VKORC1L1: variants seen among roughly 807,000 people sequenced by gnomAD.
VKORC1L1 encodes vitamin K epoxide reductase complex subunit 1-like protein 1.
A neutral mutation model predicts 18.9 loss-of-function variants in VKORC1L1; 2 were observed. That is an observed-to-expected ratio of 0.11 (90% CI 0.04 to 0.33). The LOEUF (loss-of-function observed/expected upper bound fraction) is 0.33. Ranked by LOEUF, VKORC1L1 falls within the 10% of genes least tolerant of loss-of-function variation. The pLI is 1.00. For synonymous variants in VKORC1L1, 96 were observed against 100.0 expected, an observed-to-expected ratio of 0.96 and a Z score of 0.24; for missense variants, 123 against 224.1, an observed-to-expected ratio of 0.55 and a Z score of 2.88.
At chr7:65,897,661 A>G (rs1366453779) in intron 1 of VKORC1L1, among the ~76,000 whole-genome samples, 1 of 151,536 alleles carries the variant, frequency 6.6e-6, no homozygotes, top group East Asian at 1.9e-4. Flanking sequence ...AGCTCACTGG[A>G]TGGAGACATG....
intron 1 of VKORC1L1, among the ~76,000 whole-genome samples, chr7:65,912,429 A>C (rs1483287771): frequency 4.6e-5 from 7 of 152,204 alleles, no homozygotes; most frequent in African/African-American, 1.7e-4. Flanking sequence ...CAGTGCGTGT[A>C]ACATCCCGTG....
intron 1 of VKORC1L1, among the ~76,000 whole-genome samples, chr7:65,920,347 A>G (rs925677210): frequency 6.6e-6 from 1 of 152,092 alleles, no homozygotes; most frequent in Non-Finnish European, 1.5e-5. Flanking sequence ...ATGCCCGACA[A>G]ATGCTGGGCA....
intron 1 of VKORC1L1, among the ~76,000 whole-genome samples, chr7:65,895,516 T>TATATATACACACACAC (rs370356956): frequency 4.2e-5 from 3 of 71,580 alleles, no homozygotes; most frequent in Non-Finnish European, 8.0e-5. Flanking sequence ...TATATATATA[T>TATATATACACACACAC]ACACACACAC....
rs575861805 is a variant in VKORC1L1 at position 65,893,769 on chromosome 7, A to G, written c.194+20204A>G. Reference sequence around the variant, plus strand: ...GTCTCAGTAGTTTGCAGGAATGTCAAACCAAAAAGTTTGAGAATCACTCGT... The same window carrying G: ...GTCTCAGTAGTTTGCAGGAATGTCAGACCAAAAAGTTTGAGAATCACTCGT... On this transcript the variant is annotated intron_variant, in intron 1 of 2. Coordinates refer to ENST00000360768, the MANE Select transcript of VKORC1L1 (RefSeq NM_173517.6). Among the ~76,000 whole-genome samples the G allele has an allele frequency of 2.6e-5, 4 of 152,328 alleles. No individual in the cohort carries two copies. The South Asian group carries it at 6.2e-4, about 24-fold the overall frequency.
At chr7:65,950,209 G>C (rs1036048063) in intron 2 of VKORC1L1, among the ~76,000 whole-genome samples, 3 of 151,712 alleles carry the variant, frequency 2.0e-5, no homozygotes, top group Non-Finnish European at 4.4e-5. Context: ...TTAGCATTTA[G>C]TTATTGGATC....
intron 1 of VKORC1L1, among the ~76,000 whole-genome samples, chr7:65,933,161 T>A (rs1789886667): frequency 6.6e-6 from 1 of 152,010 alleles, no homozygotes; most frequent in South Asian, 2.1e-4. Flanking sequence ...GCTTGATGGT[T>A]CTCTTCAGAC....
chr7:65,945,352 C>CT (rs748546021), intron 1 of VKORC1L1, among the ~76,000 whole-genome samples: 4 of 152,082 alleles, frequency 2.6e-5, no homozygotes, highest in Non-Finnish European at 4.4e-5. Flanking sequence ...TGGCTCACGC[C>CT]TGTAATCCCA....
chr7:65,890,068 C>A (rs1789085454), intron 1 of VKORC1L1, among the ~76,000 whole-genome samples: 1 of 152,028 alleles, frequency 6.6e-6, no homozygotes, highest in South Asian at 2.1e-4. Flanking sequence ...AGCAATTCTC[C>A]TGCCTCAGCC....
intron 1 of VKORC1L1, among the ~76,000 whole-genome samples, chr7:65,926,999 T>C (rs780152656): frequency 3.9e-5 from 6 of 151,940 alleles, no homozygotes; most frequent in Non-Finnish European, 5.9e-5. Flanking sequence ...AATACACATA[T>C]AGTGTGGCCA....
intron 1 of VKORC1L1, among the ~76,000 whole-genome samples, chr7:65,916,338 T>C (rs1449710639): frequency 2.6e-5 from 4 of 152,120 alleles, no homozygotes; most frequent in Non-Finnish European, 5.9e-5. Flanking sequence ...CTTCAATCCA[T>C]TGTGGTTATT....
At chr7:65,903,452 A>G (rs1225600547) in intron 1 of VKORC1L1, among the ~76,000 whole-genome samples, 1 of 152,102 alleles carries the variant, frequency 6.6e-6, no homozygotes, top group Non-Finnish European at 1.5e-5. Context: ...GGTATGAGCC[A>G]CTGTGCCCAG....
chr7:65,867,928 C>A, the VKORC1L1 span, among the ~76,000 whole-genome samples: 5 of 152,222 alleles, frequency 3.3e-5, no homozygotes, highest in Non-Finnish European at 5.9e-5. Context: ...CTCACTGCAA[C>A]TTCCACCTCC....
intron 1 of VKORC1L1, among the ~76,000 whole-genome samples, chr7:65,879,087 G>A (rs558505618): frequency 2.0e-4 from 31 of 152,062 alleles, no homozygotes; most frequent in African/African-American, 7.2e-4. Context: ...AAACATCCAC[G>A]TGACCATATG....
chr7:65,907,957 T>G (rs1042080160), intron 1 of VKORC1L1, among the ~76,000 whole-genome samples: 10 of 152,178 alleles, frequency 6.6e-5, no homozygotes, highest in African/African-American at 2.4e-4. Context: ...AAATGTGCTC[T>G]GGTCCCAGCT....
chr7:65,874,065 A>G (rs1788782621), intron 1 of VKORC1L1, among the ~76,000 whole-genome samples: 1 of 152,050 alleles, frequency 6.6e-6, no homozygotes, highest in Non-Finnish European at 1.5e-5. Flanking sequence ...TGCCTTTCCC[A>G]CTGTCTTCCT....
chr7:65,946,581 C>G (rs2115728049), intron 1 of VKORC1L1, among the ~76,000 whole-genome samples: 1 of 152,286 alleles, frequency 6.6e-6, no homozygotes, highest in Non-Finnish European at 1.5e-5. Flanking sequence ...AAGCACTGAT[C>G]TAGAGTTTCC....
At chr7:65,900,131 T>C (rs968885591) in intron 1 of VKORC1L1, among the ~76,000 whole-genome samples, 1 of 151,798 alleles carries the variant, frequency 6.6e-6, no homozygotes, top group Non-Finnish European at 1.5e-5. Context: ...GGCTCATGCC[T>C]GTAATCCCAG....
chr7:65,890,373 C>T (rs575912543), intron 1 of VKORC1L1, among the ~76,000 whole-genome samples: 2 of 152,092 alleles, frequency 1.3e-5, no homozygotes, highest in African/African-American at 2.4e-5. Context: ...CCTCGTGATC[C>T]GCCTGCCTCG....
chr7:65,926,142 AATTATTATT>A (rs58145133), intron 1 of VKORC1L1, among the ~76,000 whole-genome samples: 4 of 146,704 alleles, frequency 2.7e-5, no homozygotes, highest in African/African-American at 7.6e-5. Flanking sequence ...AATTTTAATG[AATTATTATT>A]ATTATTATTA....
Sources: gnomAD v4.1 joint callset for allele counts (sites outside exome capture counted in the v4.1 genomes callset) on GRCh38, gnomAD v4.1.1 for gene constraint, MANE v1.5 for transcripts, NCBI Gene and HGNC (gene_info 2026-07-23, HGNC 2026-07-21) for gene names.